MAGI2: variants seen among roughly 807,000 people sequenced by gnomAD.
The protein encoded by MAGI2 is membrane associated guanylate kinase, WW and PDZ domain containing 2, also known as membrane-associated guanylate kinase, WW and PDZ domain-containing protein 2.
A neutral mutation model predicts 133.3 loss-of-function variants in MAGI2; 35 were observed. That is an observed-to-expected ratio of 0.26 (90% CI 0.20 to 0.35). The LOEUF (loss-of-function observed/expected upper bound fraction) is 0.35, where lower values mean the gene tolerates loss of function less well. Among genes scored for constraint, MAGI2 ranks in the 10% least tolerant of loss-of-function variants. MAGI2 has a pLI of 1.00. For missense variants in MAGI2, 1,636 were observed against 1,863.4 expected (o/e 0.88, Z 2.25); for synonymous variants, 729 against 710.6 (o/e 1.03, Z -0.41).
intron 2 of MAGI2, among the ~76,000 whole-genome samples, chr7:78,937,115 C>A (rs1425169919): frequency 6.6e-6 from 1 of 151,634 alleles, no homozygotes; most frequent in Non-Finnish European, 1.5e-5. Flanking sequence ...GCTTTCAGTG[C>A]CAGAAAATAT....
intron 9 of MAGI2, among the ~76,000 whole-genome samples, chr7:78,327,867 C>A (rs1333733599): frequency 6.6e-6 from 1 of 152,070 alleles, no homozygotes; most frequent in Non-Finnish European, 1.5e-5. Context: ...GGGCTAAGTG[C>A]CCCAGCCTGC....
At chr7:78,683,316 C>T (rs186406959) in intron 2 of MAGI2, among the ~76,000 whole-genome samples, 2 of 152,136 alleles carry the variant, frequency 1.3e-5, no homozygotes, top group Admixed American at 6.5e-5. Context: ...TAATAGAAAC[C>T]GAAGAATGAG....
intron 1 of MAGI2, among the ~76,000 whole-genome samples, chr7:79,207,251 A>T (rs914675937): frequency 6.6e-6 from 1 of 151,984 alleles, no homozygotes; most frequent in African/African-American, 2.4e-5. Flanking sequence ...CATAAAAGTG[A>T]TCCAAATTGG....
chr7:78,504,583 G>C (rs1455315044), intron 4 of MAGI2, among the ~76,000 whole-genome samples: 2 of 152,096 alleles, frequency 1.3e-5, no homozygotes. Flanking sequence ...GGCCATCTTG[G>C]AAATATAAAA....
At chr7:78,524,048 T>C (rs1358374935) in intron 3 of MAGI2, among the ~76,000 whole-genome samples, 1 of 80,492 alleles carries the variant, frequency 1.2e-5, no homozygotes, top group East Asian at 2.7e-4. Flanking sequence ...CACTCATTTC[T>C]AGGGAAAAAA....
At chr7:78,969,641 A>C (rs1402696544) in intron 2 of MAGI2, among the ~76,000 whole-genome samples, 1 of 151,978 alleles carries the variant, frequency 6.6e-6, no homozygotes, top group African/African-American at 2.4e-5. Context: ...TGATAGCCTT[A>C]ATTCACTTAC....
intron 1 of MAGI2, among the ~76,000 whole-genome samples, chr7:79,398,017 TC>T (rs1845185922): frequency 6.6e-6 from 1 of 152,208 alleles, no homozygotes; most frequent in African/African-American, 2.4e-5. Flanking sequence ...TTATTTATTC[TC>T]ATATGTTTTG....
intron 2 of MAGI2, among the ~76,000 whole-genome samples, chr7:78,645,111 CGTGTGT>C (rs1554510948): frequency 1.3e-5 from 2 of 148,238 alleles, no homozygotes; most frequent in Non-Finnish European, 3.0e-5. Flanking sequence ...TATGTGTGTG[CGTGTGT>C]GTGTGTGTGT....
chr7:78,065,055 G>A (rs1055006940), intron 21 of MAGI2, among the ~76,000 whole-genome samples: 1 of 152,062 alleles, frequency 6.6e-6, no homozygotes, highest in African/African-American at 2.4e-5. Flanking sequence ...GAGTATGGAG[G>A]AAGGAAGGTG....
At chr7:79,245,049 G>T (rs1832722522) in intron 1 of MAGI2, among the ~76,000 whole-genome samples, 1 of 152,088 alleles carries the variant, frequency 6.6e-6, no homozygotes, top group South Asian at 2.1e-4. Flanking sequence ...TTCCTTAAAG[G>T]TAAAGACTCA....
intron 2 of MAGI2, among the ~76,000 whole-genome samples, chr7:78,786,076 C>T (rs1167015734): frequency 6.6e-6 from 1 of 151,988 alleles, no homozygotes; most frequent in African/African-American, 2.4e-5. Context: ...GATTATCACC[C>T]CCCACAACCC....
At chr7:78,325,909 T>G (rs1001139424) in intron 9 of MAGI2, among the ~76,000 whole-genome samples, 1 of 152,220 alleles carries the variant, frequency 6.6e-6, no homozygotes, top group Non-Finnish European at 1.5e-5. Context: ...TATCTTTTGA[T>G]CAAAATCATT....
intron 1 of MAGI2, among the ~76,000 whole-genome samples, chr7:79,271,036 A>C (rs994850681): frequency 6.6e-6 from 1 of 151,966 alleles, no homozygotes; most frequent in East Asian, 1.9e-4. Context: ...AGATCCCAAC[A>C]TCCAACTTAT....
intron 1 of MAGI2, among the ~76,000 whole-genome samples, chr7:79,345,737 A>G (rs1036771992): frequency 6.6e-6 from 1 of 152,142 alleles, no homozygotes; most frequent in Non-Finnish European, 1.5e-5. Flanking sequence ...AGGCTAAATC[A>G]CTTCTTGGTT....
At chr7:78,674,189 A>T (rs1012795208) in intron 2 of MAGI2, among the ~76,000 whole-genome samples, 16 of 151,932 alleles carry the variant, frequency 1.1e-4, no homozygotes, top group African/African-American at 3.9e-4. Context: ...GCATAGTGCT[A>T]ATTCAACTGC....
At chr7:79,427,777 T>C (rs1847495705) in intron 1 of MAGI2, among the ~76,000 whole-genome samples, 1 of 152,184 alleles carries the variant, frequency 6.6e-6, no homozygotes, top group African/African-American at 2.4e-5. Flanking sequence ...AGATGTATCA[T>C]GCTGAGTGCC....
intron 1 of MAGI2, among the ~76,000 whole-genome samples, chr7:79,031,125 G>C (rs138233455): frequency 1.9e-3 from 296 of 152,182 alleles, no homozygotes; most frequent in African/African-American, 6.6e-3. Flanking sequence ...CCTTACTCTT[G>C]TTATCATGTT....
chr7:78,868,238 T>A (rs1275528287), intron 2 of MAGI2, among the ~76,000 whole-genome samples: 3 of 152,112 alleles, frequency 2.0e-5, no homozygotes, highest in African/African-American at 7.2e-5. Context: ...AAAAACAAAC[T>A]TAGAAACAAT....
chr7:78,302,905 C>A (rs1398079436), intron 9 of MAGI2, among the ~76,000 whole-genome samples: 1 of 152,146 alleles, frequency 6.6e-6, no homozygotes, highest in East Asian at 1.9e-4. Context: ...TCCATCTATT[C>A]CTTCAGGAAC....
Sources: gnomAD v4.1 joint callset for allele counts (sites outside exome capture counted in the v4.1 genomes callset) on GRCh38, gnomAD v4.1.1 for gene constraint, MANE v1.5 for transcripts, NCBI Gene and HGNC (gene_info 2026-07-23, HGNC 2026-07-21) for gene names.